Variants in RAF1 observed in about 807,000 individuals in gnomAD.
RAF1 encodes RAF proto-oncogene serine/threonine-protein kinase.
In RAF1, 27 loss-of-function variants were observed where a neutral mutation model predicts 81.1. The observed-to-expected ratio is 0.33, with a 90% CI of 0.25 to 0.46. The LOEUF (loss-of-function observed/expected upper bound fraction) is 0.46, where lower values mean the gene tolerates loss of function less well. Among genes scored for constraint, RAF1 ranks in the 20% least tolerant of loss-of-function variants. The pLI is 1.00. For missense variants in RAF1, 598 were observed against 826.0 expected (o/e 0.72, Z 3.38); for synonymous variants, 298 against 294.0 (o/e 1.01, Z -0.14).
chr3:12,628,849 T>G (rs1485316268), intron 1 of RAF1, among the ~76,000 whole-genome samples: 1 of 151,522 alleles, frequency 6.6e-6, no homozygotes, highest in Middle Eastern at 3.2e-3. Context: ...TTTCCCACAT[T>G]CAAGTGATCC....
chr3:12,664,099 G>T lies in RAF1; in HGVS notation c.-313C>A, dbSNP rs951576357. ...TCTTACTCCCGCCATCTAAGATGGC[G>T]GCCCAAGCGCCCGCGATTAAGACTC... On this transcript the variant is annotated 5_prime_UTR_variant, in exon 1 of 18. Coordinates refer to ENST00000442415, the MANE Select transcript of RAF1 (RefSeq NM_001354689.3). The T allele has an allele frequency of 2.5e-6, 1 of 398,240 alleles. No individual in the cohort carries two copies. The allele number at this position is 398,240 out of a possible 1,614,324, so 24.7% of individuals were successfully genotyped here.
intron 1 of RAF1, among the ~76,000 whole-genome samples, chr3:12,637,777 C>T (rs1400294775): frequency 6.6e-6 from 1 of 151,866 alleles, no homozygotes; most frequent in Non-Finnish European, 1.5e-5. Flanking sequence ...CGCTTGAACC[C>T]GAGAGGCAGA....
At chr3:12,599,589 A>C in intron 11 of RAF1, 102 bp downstream of exon 10, 1 of 834,708 alleles carries the variant, frequency 1.2e-6, no homozygotes, top group Non-Finnish European at 2.1e-6. Flanking sequence ...TACTGCTATA[A>C]GCCCAGGAGC....
At position 12,585,272 on chromosome 3, in the gene RAF1, G is replaced by A. The variant is rs1302992974; in HGVS notation, c.1597-19C>T. The A allele has an allele frequency of 1.1e-5, 18 of 1,613,598 alleles. No homozygotes were observed. Among genetic ancestry groups the A allele is most frequent in the Non-Finnish European group, 1.5e-5 (18 of 1,180,006 alleles). ...CTGGGGCCTACATGTATCACCATAT[G>A]ACAAAAGTGCATTTATCACCATATG... On this transcript the variant is annotated intron_variant, in intron 15 of 17. Coordinates refer to ENST00000442415, the MANE Select transcript of RAF1 (RefSeq NM_001354689.3).
intron 1 of RAF1, among the ~76,000 whole-genome samples, chr3:12,663,453 G>A (rs1036419005): frequency 1.3e-5 from 2 of 152,148 alleles, no homozygotes; most frequent in Non-Finnish European, 2.9e-5. Context: ...CACATTCGGC[G>A]GCCCAAGAGA....
chr3:12,632,192 C>CGCAT (rs2059882603), intron 1 of RAF1, among the ~76,000 whole-genome samples: 1 of 151,878 alleles, frequency 6.6e-6, no homozygotes, highest in Non-Finnish European at 1.5e-5. Flanking sequence ...GACACAGTGG[C>CGCAT]GCATGCCTGT....
rs1199464326 is a variant in RAF1 at position 12,608,828 on chromosome 3, A to G, written c.519T>C (p.His173=). ...TAGGTACTTTGGTGCTACAGTGCTC[A>G]TGAAATTTGTAGCCACAAGTCTGAC... Residue 173 remains histidine, a synonymous_variant, in exon 5 of 18, where the codon CAT becomes CAC. Coordinates refer to ENST00000442415, the MANE Select transcript of RAF1 (RefSeq NM_001354689.3). 6.2e-7 allele frequency: 1 copy of G among 1,614,198 alleles called. No homozygotes were observed. The highest frequency in any genetic ancestry group is 1.1e-5 in the South Asian group (1 of 91,078).
intron 1 of RAF1, among the ~76,000 whole-genome samples, chr3:12,638,761 C>A (rs951839711): frequency 6.6e-6 from 1 of 152,142 alleles, no homozygotes; most frequent in Non-Finnish European, 1.5e-5. Flanking sequence ...TAAAAATGGG[C>A]ATGGTGGCTC....
chr3:12,628,277 T>A (rs2059764873), intron 1 of RAF1, among the ~76,000 whole-genome samples: 1 of 152,110 alleles, frequency 6.6e-6, no homozygotes, highest in Non-Finnish European at 1.5e-5. Flanking sequence ...CCTGGGCTAA[T>A]CCCTGCACTT....
Position 12,626,953 on chromosome 3 carries a change from G to T in RAF1, c.-26-8206C>A, listed in dbSNP as rs186250543. Reference sequence around the variant, plus strand: ...GCAGGAGAATCGCTTGAACCCAGGAGGCAGAGGTTATAGTCAGCCAAAACT... The same window carrying T: ...GCAGGAGAATCGCTTGAACCCAGGATGCAGAGGTTATAGTCAGCCAAAACT... On this transcript the variant is annotated intron_variant, in intron 1 of 17. Coordinates refer to ENST00000442415, the MANE Select transcript of RAF1 (RefSeq NM_001354689.3). Among the ~76,000 whole-genome samples the T allele has an allele frequency of 5.7e-4, 86 of 150,802 alleles. 2 individuals are homozygous for T. In the East Asian group the frequency reaches 0.015, roughly 26 times the overall value.
rs1035747771 is a variant in RAF1 at position 12,663,804 on chromosome 3, G to A, written c.-27+9C>T. The stretch of plus-strand genomic sequence containing the variant: ...CCCCCGGCATCCACGACCCGGTCCT[G>A]CCACCTACCTGAGGGAGCCAGGCCG... On this transcript the variant is annotated intron_variant, in intron 1 of 17. Coordinates refer to ENST00000442415, the MANE Select transcript of RAF1 (RefSeq NM_001354689.3). 6 of 396,960 alleles carry A rather than the reference G, an allele frequency of 1.5e-5. No individual in the cohort carries two copies. The Admixed American group carries it at 2.2e-4, about 15-fold the overall frequency. 24.6% of individuals were successfully genotyped at this position (396,960 alleles called of 1,614,324 possible). A position where few individuals can be genotyped will look rare whatever the true frequency, so the allele number is the denominator to read the frequency against.
chr3:12,598,763 A>T lies in RAF1; in HGVS notation c.1168+928T>A, dbSNP rs77275496. On this transcript the variant is annotated intron_variant, in intron 11 of 17. Transcript: ENST00000442415. The stretch of plus-strand genomic sequence containing the variant: ...AAAAAAAAAAAAAAAACCACCAAGT[A>T]CTCAAAACTGGAGGTGTTTGATATT... Among the ~76,000 whole-genome samples the T allele has an allele frequency of 8.1e-3, 1,202 of 148,882 alleles. 19 individuals carry two copies. The highest frequency in any genetic ancestry group is 0.028 in the African/African-American group (1,135 of 40,464).
intron 8 of RAF1, among the ~76,000 whole-genome samples, chr3:12,601,230 TAGAG>T (rs1327622374): frequency 6.6e-6 from 1 of 152,164 alleles, no homozygotes; most frequent in Non-Finnish European, 1.5e-5. Flanking sequence ...TCTGAACAGG[TAGAG>T]AGACTTGGCA....
intron 1 of RAF1, among the ~76,000 whole-genome samples, chr3:12,646,074 C>CT (rs1271469324): frequency 2.0e-5 from 3 of 152,096 alleles, no homozygotes; most frequent in Non-Finnish European, 4.4e-5. Flanking sequence ...ATTCTTAATG[C>CT]TTTTTTATAA....
intron 1 of RAF1, among the ~76,000 whole-genome samples, chr3:12,649,002 T>C (rs2060439136): frequency 6.6e-6 from 1 of 151,846 alleles, no homozygotes; most frequent in African/African-American, 2.4e-5. Context: ...TAATGCCAGC[T>C]ACTTGGGAGG....
At position 12,616,323 on chromosome 3, in the gene RAF1, A is replaced by G. The variant is rs577440377; in HGVS notation, c.207+2192T>C. 2.6e-5 allele frequency among the ~76,000 whole-genome samples: 4 copies of G among 152,348 alleles called. No homozygotes were observed. The East Asian group carries it at 5.8e-4, about 22-fold the overall frequency. The stretch of plus-strand genomic sequence containing the variant: ...GATGGGGATGGAGAAGATAGTCTCA[A>G]TAACACTTTGAAGAAGCACCAAATG... On this transcript the variant is annotated intron_variant, in intron 2 of 17. Coordinates refer to ENST00000442415, the MANE Select transcript of RAF1 (RefSeq NM_001354689.3).
At position 12,585,267 on chromosome 3, in the gene RAF1, CAT is replaced by C; in HGVS notation, c.1597-16_1597-15del. 1 of 1,613,892 alleles carries C rather than the reference CAT, an allele frequency of 6.2e-7. No homozygotes were observed. Among genetic ancestry groups the C allele is most frequent in the Non-Finnish European group, 8.5e-7 (1 of 1,180,014 alleles). ...CACCTCTGGGGCCTACATGTATCAC[CAT>C]ATGACAAAAGTGCATTTATCACCAT... On this transcript the variant is annotated splice_polypyrimidine_tract_variant and intron_variant, in intron 15 of 17. Coordinates refer to ENST00000442415, the MANE Select transcript of RAF1 (RefSeq NM_001354689.3).
chr3:12,658,273 T>A (rs1489859009), intron 1 of RAF1, among the ~76,000 whole-genome samples: 5 of 152,226 alleles, frequency 3.3e-5, no homozygotes, highest in Non-Finnish European at 5.9e-5. Flanking sequence ...TAATTATAAT[T>A]AATAATGGAA....
intron 3 of RAF1, among the ~76,000 whole-genome samples, chr3:12,611,504 T>A (rs2059206372): frequency 6.6e-6 from 1 of 152,100 alleles, no homozygotes; most frequent in Non-Finnish European, 1.5e-5. Flanking sequence ...GGTATTACCA[T>A]CCTGGCTAAC....
Sources: allele counts gnomAD v4.1 joint callset (sites outside exome capture counted in the v4.1 genomes callset), GRCh38; gene constraint gnomAD v4.1.1; transcripts MANE v1.5; gene names NCBI Gene and HGNC (gene_info 2026-07-23, HGNC 2026-07-21).